SYT1: variants seen among roughly 807,000 people sequenced by gnomAD.
SYT1 encodes the protein synaptotagmin-1.
SYT1 carries 8 observed loss-of-function variants against 44.8 expected under a neutral mutation model. That is an observed-to-expected ratio of 0.18 (90% confidence interval 0.10 to 0.32). The LOEUF is 0.32. SYT1 is among the 10% of genes least tolerant of loss of function. SYT1 has a pLI of 1.00. For synonymous variants in SYT1, 154 were observed against 188.8 expected (o/e 0.82, Z 1.51); for missense variants, 286 against 509.3 (o/e 0.56, Z 4.22).
At chr12:79,400,244 G>A (rs1464360046) in intron 9 of SYT1, among the ~76,000 whole-genome samples, 5 of 152,110 alleles carry the variant, frequency 3.3e-5, no homozygotes, top group African/African-American at 1.2e-4. Context: ...AGGACCCATG[G>A]CAAGTCATTA....
At chr12:79,357,690 G>A (rs576013946) in intron 9 of SYT1, among the ~76,000 whole-genome samples, 1 of 152,290 alleles carries the variant, frequency 6.6e-6, no homozygotes, top group South Asian at 2.1e-4. Context: ...CTTGAATCTT[G>A]CAGGCTGCAA....
chr12:79,221,642 C>A (rs564291713), intron 4 of SYT1, among the ~76,000 whole-genome samples: 1 of 152,192 alleles, frequency 6.6e-6, no homozygotes, highest in African/African-American at 2.4e-5. Context: ...TTATTTTAAG[C>A]TGAAAACAAA....
chr12:79,421,821 G>A (rs1004568099), intron 9 of SYT1, among the ~76,000 whole-genome samples: 9 of 151,774 alleles, frequency 5.9e-5, no homozygotes, highest in African/African-American at 1.9e-4. Flanking sequence ...AATCAGGGCT[G>A]TGTTAAGCAT....
rs1592825432 is a variant in SYT1 at position 79,179,249 on chromosome 12, G to GATATAGAT, written c.-17-38250_-17-38243dup. ...ATATAGATATAGATATATAGATATA[G>GATATAGAT]ATATAGATATAGATATATAGATATA... is the stretch of plus-strand genomic sequence containing the variant. On this transcript the variant is annotated intron_variant, in intron 3 of 10. Coordinates refer to ENST00000261205, the MANE Select transcript of SYT1 (RefSeq NM_005639.3). 1.5e-4 allele frequency among the ~76,000 whole-genome samples: 11 copies of GATATAGAT among 71,866 alleles called. 1 individual carries two copies. The East Asian group carries it at 2.1e-3, about 14-fold the overall frequency. 47.1% of individuals were successfully genotyped at this position (71,866 alleles called of 152,430 possible). A position where few individuals can be genotyped will look rare whatever the true frequency, so the allele number is the denominator to read the frequency against.
intron 3 of SYT1, among the ~76,000 whole-genome samples, chr12:79,051,426 G>A (rs1161701183): frequency 6.7e-6 from 1 of 150,188 alleles, no homozygotes; most frequent in African/African-American, 2.4e-5. Context: ...TATGTATAAA[G>A]AGAGAGGTAA....
intron 4 of SYT1, among the ~76,000 whole-genome samples, chr12:79,264,203 T>C (rs1877996292): frequency 6.6e-6 from 1 of 150,710 alleles, no homozygotes; most frequent in Admixed American, 6.6e-5. Flanking sequence ...TTTTTTGAGA[T>C]GGAGTCTCCT....
intron 2 of SYT1, among the ~76,000 whole-genome samples, chr12:79,041,864 C>A (rs1212810752): frequency 2.0e-5 from 3 of 152,100 alleles, no homozygotes; most frequent in Non-Finnish European, 4.4e-5. Context: ...AAGGCTTTTT[C>A]TGCAACTATT....
At chr12:79,038,819 C>T (rs988716163) in intron 2 of SYT1, among the ~76,000 whole-genome samples, 2 of 151,994 alleles carry the variant, frequency 1.3e-5, no homozygotes, top group East Asian at 1.9e-4. Flanking sequence ...AAAGCCAATC[C>T]TAAATAAATA....
At chr12:78,891,964 G>A (rs889339553) in intron 1 of SYT1, among the ~76,000 whole-genome samples, 1 of 151,798 alleles carries the variant, frequency 6.6e-6, no homozygotes, top group African/African-American at 2.4e-5. Flanking sequence ...GAAGACCTAA[G>A]AAAACTGTGA....
intron 6 of SYT1, among the ~76,000 whole-genome samples, chr12:79,293,824 T>C (rs1393647447): frequency 6.6e-6 from 1 of 152,216 alleles, no homozygotes; most frequent in Non-Finnish European, 1.5e-5. Flanking sequence ...CATAATACAT[T>C]CTAGAAAACT....
At chr12:79,308,598 G>GGA (rs1565901395) in intron 8 of SYT1, among the ~76,000 whole-genome samples, 58 of 83,960 alleles carry the variant, frequency 6.9e-4, no homozygotes, top group African/African-American at 2.7e-3. Flanking sequence ...AAAGAAGAAA[G>GGA]AAAGAAAGAA....
At chr12:78,913,555 A>G (rs1238003627) in intron 1 of SYT1, among the ~76,000 whole-genome samples, 1 of 151,804 alleles carries the variant, frequency 6.6e-6, no homozygotes, top group East Asian at 1.9e-4. Context: ...TCCTGTAATG[A>G]GGTCAGTGAT....
rs61019983 is a variant in SYT1, at chr12:79,276,380, C to CAA, written c.167-9400_167-9399dup. On this transcript the variant is annotated intron_variant, in intron 4 of 10. Coordinates refer to ENST00000261205, the MANE Select transcript of SYT1 (RefSeq NM_005639.3). ...ACAAATATTTCTTTAAAAAACAAAA[C>CAA]AAAAAAAACAGAATTAGTGGGGCGC... Among the ~76,000 whole-genome samples the CAA allele has an allele frequency of 1.5e-3, 226 of 151,208 alleles. 1 individual carries two copies. The highest frequency in any genetic ancestry group is 4.2e-3 in the South Asian group (20 of 4,806).
intron 1 of SYT1, among the ~76,000 whole-genome samples, chr12:78,939,748 T>C (rs1453605237): frequency 2.0e-5 from 3 of 152,212 alleles, no homozygotes; most frequent in African/African-American, 4.8e-5. Flanking sequence ...ATGGTTTTTA[T>C]AAGCATGACA....
intron 9 of SYT1, among the ~76,000 whole-genome samples, chr12:79,370,781 A>T (rs949176827): frequency 1.3e-5 from 2 of 151,886 alleles, no homozygotes; most frequent in African/African-American, 2.4e-5. Context: ...ATAATAATAA[A>T]AATAAAAAAT....
chr12:78,906,725 A>C (rs2137114343), intron 1 of SYT1, among the ~76,000 whole-genome samples: 1 of 152,096 alleles, frequency 6.6e-6, no homozygotes, highest in South Asian at 2.1e-4. Context: ...GTAAGAAATG[A>C]CCAGAGTCCT....
intron 4 of SYT1, among the ~76,000 whole-genome samples, chr12:79,279,634 A>G (rs1025976784): frequency 1.3e-5 from 2 of 152,164 alleles, no homozygotes; most frequent in African/African-American, 4.8e-5. Context: ...CATTCAACAT[A>G]GTACTGGAGG....
In SYT1 at chr12:79,416,487, T is replaced by C. The variant is rs562865975; in HGVS notation, c.929-27586T>C. ...AATAGAGTTTAGGTTTATATTCATA[T>C]TATTGTAGTAAAATAACAGATGATC... On this transcript the variant is annotated intron_variant, in intron 9 of 10. Transcript: ENST00000261205. 3.3e-5 allele frequency among the ~76,000 whole-genome samples: 5 copies of C among 152,328 alleles called. No individual in the cohort carries two copies. The East Asian group carries it at 9.7e-4, about 29-fold the overall frequency.
intron 3 of SYT1, among the ~76,000 whole-genome samples, chr12:79,182,520 G>A (rs2138417759): frequency 6.6e-6 from 1 of 152,056 alleles, no homozygotes; most frequent in East Asian, 1.9e-4. Context: ...ATGCATCCTG[G>A]GGACTCAATC....
Sources: gnomAD v4.1 joint callset for allele counts (sites outside exome capture counted in the v4.1 genomes callset) on GRCh38, gnomAD v4.1.1 for gene constraint, MANE v1.5 for transcripts, NCBI Gene and HGNC (gene_info 2026-07-23, HGNC 2026-07-21) for gene names.